Variants in PCDHGB5 observed in about 807,000 individuals in gnomAD.
The protein encoded by PCDHGB5 is protocadherin gamma-B5.
PCDHGB5 carries 48 observed loss-of-function variants against 62.9 expected under a neutral mutation model. That is an observed-to-expected ratio of 0.76 (90% CI 0.61 to 0.97). PCDHGB5 has a LOEUF of 0.97. Ranked by LOEUF, PCDHGB5 falls within the 50% of genes least tolerant of loss-of-function variation. The pLI is 0.00. For missense variants in PCDHGB5, 1,118 were observed against 1,198.6 expected (o/e 0.93, Z 0.99); for synonymous variants, 474 against 511.2 (o/e 0.93, Z 0.98).
In PCDHGB5 at chr5:141,491,049, G is replaced by A. The variant is rs369146505; in HGVS notation, c.2398-3758G>A. Reference sequence around the variant, plus strand: ...TGGATGCTGATGCAGGCCACAATGCGTGGCTCTCCTACTCACTGTTGCCAC... The same window carrying A: ...TGGATGCTGATGCAGGCCACAATGCATGGCTCTCCTACTCACTGTTGCCAC... On this transcript the variant is annotated intron_variant, in intron 1 of 3. Coordinates refer to ENST00000617380, the MANE Select transcript of PCDHGB5 (RefSeq NM_018925.3). This position sits in a 1 kb window ranked among gnomAD's most constrained non-coding sequence, Gnocchi z 6.9. The A allele has an allele frequency of 3.3e-5, 53 of 1,614,116 alleles. No individual in the cohort carries two copies. The African/African-American group carries it at 5.5e-4, about 17-fold the overall frequency.
chr5:141,438,685 G>A (rs2098051190), intron 1 of PCDHGB5, among the ~76,000 whole-genome samples: 1 of 143,314 alleles, frequency 7.0e-6, no homozygotes, highest in Non-Finnish European at 1.5e-5. Context: ...GTAGGGGATG[G>A]AGTCTTGCTC....
rs753372015 is a variant in PCDHGB5 at position 141,422,180 on chromosome 5, T to C, written c.2397+21656T>C. The stretch of plus-strand genomic sequence containing the variant: ...TTTGAAAAATATAGATTCTATGAGA[T>C]GGAAATTCAAGGCCAAGATGGTGGA... On this transcript the variant is annotated intron_variant, in intron 1 of 3. Coordinates refer to ENST00000617380, the MANE Select transcript of PCDHGB5 (RefSeq NM_018925.3). 1.1e-5 allele frequency: 17 copies of C among 1,562,190 alleles called. No homozygotes were observed. In the African/African-American group the frequency reaches 1.9e-4, roughly 18 times the overall value.
In PCDHGB5 at chr5:141,471,102, G is replaced by A. The variant is rs922174682; in HGVS notation, c.2398-23705G>A. 3.4e-5 allele frequency among the ~76,000 whole-genome samples: 5 copies of A among 146,522 alleles called. No individual in the cohort carries two copies. The Admixed American group carries it at 3.5e-4, about 10-fold the overall frequency. On this transcript the variant is annotated intron_variant, in intron 1 of 3. Coordinates refer to ENST00000617380, the MANE Select transcript of PCDHGB5 (RefSeq NM_018925.3). ...CTCCCTCTGTTGTCCAGGCTAGAGTGCAGTGGTGCGATCTTACCTTCACTG... is the reference window on the plus strand; with the variant it reads ...CTCCCTCTGTTGTCCAGGCTAGAGTACAGTGGTGCGATCTTACCTTCACTG...
intron 1 of PCDHGB5, chr5:141,420,414 T>C: frequency 8.2e-7 from 1 of 1,221,674 alleles, no homozygotes; most frequent in Non-Finnish European, 1.1e-6. Flanking sequence ...GTTATCATTA[T>C]TAAAACAAAA....
chr5:141,434,547 A>G (rs1277148299), intron 1 of PCDHGB5, among the ~76,000 whole-genome samples: 1 of 152,232 alleles, frequency 6.6e-6, no homozygotes, highest in East Asian at 1.9e-4. Context: ...AGCATGAGTG[A>G]TCTGTGCCTT....
At position 141,489,590 on chromosome 5, in the gene PCDHGB5, T is replaced by C; in HGVS notation, c.2398-5217T>C. The C allele has an allele frequency of 6.2e-7, 1 of 1,614,044 alleles. No homozygotes were observed. Among genetic ancestry groups the C allele is most frequent in the Non-Finnish European group, 8.5e-7 (1 of 1,179,984 alleles). ...GTGACTGAACACCCCCTGGAGCTAA[T>C]CCGTGTAGAGGTAGAGATCCTGGAT... On this transcript the variant is annotated intron_variant, in intron 1 of 3. Transcript: ENST00000617380. The surrounding 1 kb of genome is among the most constrained non-coding windows in gnomAD (Gnocchi z 4.5).
intron 1 of PCDHGB5, chr5:141,413,229 C>T (rs200934469): frequency 6.2e-7 from 1 of 1,613,914 alleles, no homozygotes; most frequent in African/African-American, 1.3e-5. Context: ...GCGGGCTGGT[C>T]CTGCTCTGCC....
chr5:141,509,900 C>T (rs2099878860), intron 3 of PCDHGB5, among the ~76,000 whole-genome samples: 1 of 152,186 alleles, frequency 6.6e-6, no homozygotes, highest in Admixed American at 6.5e-5. Context: ...CTGTCCCTTC[C>T]AGCATGCGCT....
intron 1 of PCDHGB5, chr5:141,423,108 GC>G: frequency 1.2e-6 from 2 of 1,613,864 alleles, no homozygotes; most frequent in African/African-American, 2.7e-5. Flanking sequence ...CGGGCGAGGT[GC>G]GTACAGCGCG....
chr5:141,486,730 T>G lies in PCDHGB5; in HGVS notation c.2398-8077T>G, dbSNP rs775081505. On this transcript the variant is annotated intron_variant, in intron 1 of 3. Coordinates refer to ENST00000617380, the MANE Select transcript of PCDHGB5 (RefSeq NM_018925.3). This position sits in a 1 kb window ranked among gnomAD's most constrained non-coding sequence, Gnocchi z 5.0. ...ACCCCCAGACAGGAGCTGTTCATGC[T>G]ACTCGATCCTTTGACTATGAGCAAA... is the stretch of plus-strand genomic sequence containing the variant. 6.2e-7 allele frequency: 1 copy of G among 1,614,238 alleles called. No individual in the cohort carries two copies. The highest frequency in any genetic ancestry group is 8.5e-7 in the Non-Finnish European group (1 of 1,180,042).
Position 141,478,120 on chromosome 5 carries a change from G to A in PCDHGB5, c.2398-16687G>A, listed in dbSNP as rs772548778. 3.1e-6 allele frequency: 5 copies of A among 1,613,948 alleles called. No homozygotes were observed. In the Admixed American group the frequency reaches 6.7e-5, roughly 22 times the overall value. ...CTACCCTCACTGTGTCAGTAACCGA[G>A]GACTCTCCTGAAGCCCGAGCCGAGT... On this transcript the variant is annotated intron_variant, in intron 1 of 3. Coordinates refer to ENST00000617380, the MANE Select transcript of PCDHGB5 (RefSeq NM_018925.3).
chr5:141,469,711 T>C (rs894622720), intron 1 of PCDHGB5, among the ~76,000 whole-genome samples: 13 of 152,372 alleles, frequency 8.5e-5, no homozygotes, highest in African/African-American at 2.4e-4. Flanking sequence ...AATCACACTA[T>C]TAGGAATTTA....
At position 141,398,686 on chromosome 5, in the gene PCDHGB5, G is replaced by T. The variant is rs2093688431; in HGVS notation, c.559G>T (p.Asp187Tyr). 6 of 1,613,920 alleles carry T rather than the reference G, an allele frequency of 3.7e-6. No homozygotes were observed. The highest frequency in any genetic ancestry group is 5.1e-6 in the Non-Finnish European group (6 of 1,179,898). Residue 187 changes from aspartate (D) to tyrosine (Y), a missense_variant, in exon 1 of 4, where the codon GAT becomes TAT. By Grantham distance (160) the Asp-to-Tyr change is radical. This residue lies in a region of PCDHGB5 where 1,034 missense variants were observed against 1,029.1 expected (regional missense o/e 1.00). Transcript: ENST00000617380. ...SFSLIIKEKQ[D>Y]GSKYPELALE... ...CTCATTAATAATTAAGGAGAAACAG[G>T]ATGGTAGTAAATACCCGGAACTGGC...
In PCDHGB5 at chr5:141,489,117, T is replaced by A; in HGVS notation, c.2398-5690T>A. On this transcript the variant is annotated intron_variant, in intron 1 of 3. Coordinates refer to ENST00000617380, the MANE Select transcript of PCDHGB5 (RefSeq NM_018925.3). The surrounding 1 kb of genome is among the most constrained non-coding windows in gnomAD (Gnocchi z 4.5). ...AAGAACTGCTGCAAGCAGGCAAACCTCCGAGCAGTTTTTAAGAGGCTGGAA... is the reference window on the plus strand; with the variant it reads ...AAGAACTGCTGCAAGCAGGCAAACCACCGAGCAGTTTTTAAGAGGCTGGAA... The A allele has an allele frequency of 1.4e-5, 5 of 370,102 alleles. No homozygotes were observed. The highest frequency in any genetic ancestry group is 2.3e-5 in the Non-Finnish European group (5 of 214,436). 22.9% of individuals were successfully genotyped at this position (370,102 alleles called of 1,614,324 possible).
intron 1 of PCDHGB5, chr5:141,422,545 T>C: frequency 6.2e-7 from 1 of 1,614,000 alleles, no homozygotes; most frequent in Non-Finnish European, 8.5e-7. Context: ...AACTCATGTC[T>C]GGCTGAATGT....
intron 1 of PCDHGB5, chr5:141,423,800 T>C: frequency 1.6e-5 from 14 of 895,104 alleles, no homozygotes; most frequent in East Asian, 1.3e-4. Context: ...TTTAGAGCAA[T>C]ACATGTGAGT....
At position 141,398,633 on chromosome 5, in the gene PCDHGB5, A is replaced by C. The variant is rs749131705; in HGVS notation, c.506A>C (p.Lys169Thr). ...GATATTGGCTTAAACTCTCTGCAGA[A>C]GTATAAACTCTCTCTTAACCCAAGT... ...DADIGLNSLQ[K>T]YKLSLNPSFS... Residue 169 changes from lysine to threonine, a missense_variant, in exon 1 of 4, where the codon AAG becomes ACG. Around this residue, in one of 2 missense-constraint regions of PCDHGB5, gnomAD observed 1,034 missense variants for 1,029.1 expected, o/e 1.00. Coordinates refer to ENST00000617380, the MANE Select transcript of PCDHGB5 (RefSeq NM_018925.3). 2.5e-6 allele frequency: 4 copies of C among 1,613,946 alleles called. No individual in the cohort carries two copies. The highest frequency in any genetic ancestry group is 3.4e-6 in the Non-Finnish European group (4 of 1,179,908).
chr5:141,399,719 G>C lies in PCDHGB5; in HGVS notation c.1592G>C (p.Arg531Pro), dbSNP rs773556952. 6.2e-7 allele frequency: 1 copy of C among 1,613,286 alleles called. No homozygotes were observed. Among genetic ancestry groups the C allele is most frequent in the Non-Finnish European group, 8.5e-7 (1 of 1,179,866 alleles). Reference sequence around the variant, plus strand: ...ACCTTCGAACTCACACTACAGGCCCGCGACCAGGGCTCGCCTGCGCTCAGC... The same window carrying C: ...ACCTTCGAACTCACACTACAGGCCCCCGACCAGGGCTCGCCTGCGCTCAGC... Reference protein sequence around the residue: ...LRTFELTLQARDQGSPALSAN... With the variant: ...LRTFELTLQAPDQGSPALSAN... The change falls in exon 1 of 4, where the codon CGC (arginine) becomes CCC (proline). Residue 531 changes from arginine (R) to proline (P), a missense_variant. Physicochemically the swap from Arg to Pro is moderately radical, Grantham distance 103. Transcript: ENST00000617380.
At chr5:141,509,310 G>A (rs1223508453) in intron 3 of PCDHGB5, among the ~76,000 whole-genome samples, 2 of 152,174 alleles carry the variant, frequency 1.3e-5, no homozygotes, top group Non-Finnish European at 1.5e-5. Flanking sequence ...GAGGGAGGCT[G>A]GGAGAGAAGC....
Sources: allele counts gnomAD v4.1 joint callset (sites outside exome capture counted in the v4.1 genomes callset), GRCh38; gene constraint gnomAD v4.1.1; regional missense constraint gnomAD v4.1.1; non-coding constraint Gnocchi (gnomAD v3.1); transcripts MANE v1.5; gene names NCBI Gene and HGNC (gene_info 2026-07-23, HGNC 2026-07-21).